The following ZEB2 variants were observed in gnomAD, a reference collection of about 807,000 sequenced individuals.
ZEB2 encodes the protein zinc finger E-box-binding homeobox 2.
Under a neutral mutation model 99.9 loss-of-function variants are expected in ZEB2, and 6 were observed. The observed-to-expected ratio is 0.06, with a 90% CI of 0.03 to 0.12. The LOEUF is 0.12. Among genes scored for constraint, ZEB2 ranks in the 10% least tolerant of loss-of-function variants. ZEB2 has a pLI of 1.00. For missense variants in ZEB2, 969 were observed against 1,502.8 expected, an observed-to-expected ratio of 0.64 and a Z score of 5.87; for synonymous variants, 517 against 542.5, an observed-to-expected ratio of 0.95 and a Z score of 0.65.
At chr2:144,427,703 T>A (rs1245259719) in intron 3 of ZEB2, 1 of 152,078 alleles carries the variant, frequency 6.6e-6, no homozygotes, top group Non-Finnish European at 1.5e-5. Context: ...GAACAATAAA[T>A]CATTAGTAAT....
At chr2:144,451,363 G>T (rs1411382907) in intron 2 of ZEB2, among the ~76,000 whole-genome samples, 1 of 152,092 alleles carries the variant, frequency 6.6e-6, no homozygotes, top group Non-Finnish European at 1.5e-5. Flanking sequence ...TGTTTTTTCG[G>T]TATAAATGAA....
chr2:144,510,200 C>A (rs1705010711), intron 2 of ZEB2, among the ~76,000 whole-genome samples: 1 of 151,516 alleles, frequency 6.6e-6, no homozygotes. Context: ...TTTCCCCTTT[C>A]ATTTGAAAAT....
chr2:144,412,810 A>G (rs143061190), intron 4 of ZEB2, among the ~76,000 whole-genome samples: 7 of 152,338 alleles, frequency 4.6e-5, no homozygotes, highest in Non-Finnish European at 5.9e-5. Flanking sequence ...GTGTGTCTCA[A>G]TCATTGAATT....
Position 144,400,104 on chromosome 2 carries a change from A to C in ZEB2, c.1083T>G (p.Pro361=). 6.2e-7 allele frequency: 1 copy of C among 1,613,948 alleles called. No individual in the cohort carries two copies. Residue 361 remains proline (P), a synonymous_variant, in exon 8 of 10, where the codon CCT becomes CCG. Transcript: ENST00000627532. ...GSSPNSVSSS[P]TNSAITQLRN... is the part of the protein sequence containing the mutation. ...TTAACTGGGTAATGGCTGAATTAGT[A>C]GGAGAAGAAGAAACAGAATTAGGGG... is the stretch of plus-strand genomic sequence containing the variant.
intron 4 of ZEB2, among the ~76,000 whole-genome samples, chr2:144,407,383 C>T (rs1037418502): frequency 1.3e-5 from 2 of 152,234 alleles, no homozygotes; most frequent in Non-Finnish European, 2.9e-5. Flanking sequence ...GATAAGATCA[C>T]TTTCCCCTTG....
chr2:144,428,196 C>T (rs1348747568), intron 3 of ZEB2: 1 of 152,030 alleles, frequency 6.6e-6, no homozygotes, highest in Non-Finnish European at 1.5e-5. Flanking sequence ...TTCTTATAGC[C>T]CTGCATATCT....
chr2:144,510,176 T>G (rs1705010455), intron 2 of ZEB2, among the ~76,000 whole-genome samples: 1 of 152,190 alleles, frequency 6.6e-6, no homozygotes, highest in Non-Finnish European at 1.5e-5. Flanking sequence ...ATTTGAGAGT[T>G]TCTTCTTGGC....
At chr2:144,513,977 TC>T in intron 2 of ZEB2, 1 of 1,182,420 alleles carries the variant, frequency 8.5e-7, no homozygotes, top group East Asian at 2.7e-5. Flanking sequence ...TTTGCCTCCT[TC>T]CCCCTCACCC....
Position 144,385,106 on chromosome 2 carries a change from T to C in ZEB2, c.*4345A>G, listed in dbSNP as rs972819683. On this transcript the variant is annotated 3_prime_UTR_variant, in exon 10 of 10. Transcript: ENST00000627532. ...ATGTAGGAATGTTTTGTTGCATGTATAAAATTTTTCAGAATTTATAGGAGT... is the reference window on the plus strand; with the variant it reads ...ATGTAGGAATGTTTTGTTGCATGTACAAAATTTTTCAGAATTTATAGGAGT... The C allele has an allele frequency of 3.3e-5, 5 of 152,306 alleles. No individual in the cohort carries two copies. Among genetic ancestry groups the C allele is most frequent in the East Asian group, 1.9e-4 (1 of 5,188 alleles). The allele number at this position is 152,306 out of a possible 1,614,324, so 9.4% of individuals were successfully genotyped here.
intron 9 of ZEB2, among the ~76,000 whole-genome samples, chr2:144,390,279 C>CA (rs1703139425): frequency 6.6e-6 from 1 of 152,170 alleles, no homozygotes; most frequent in Non-Finnish European, 1.5e-5. Context: ...GGAAAATTCT[C>CA]AGACAGGAAG....
chr2:144,513,753 C>T (rs1219540039), intron 2 of ZEB2: 1 of 1,536,084 alleles, frequency 6.5e-7, no homozygotes, highest in Non-Finnish European at 8.7e-7. Flanking sequence ...TGGCAAGCAG[C>T]AGCAGGGCAT....
At chr2:144,403,032 A>G (rs1273338893) in intron 6 of ZEB2, among the ~76,000 whole-genome samples, 4 of 152,236 alleles carry the variant, frequency 2.6e-5, no homozygotes, top group Non-Finnish European at 4.4e-5. Flanking sequence ...TGGTGTCAAG[A>G]CTTAAATTAA....
intron 2 of ZEB2, among the ~76,000 whole-genome samples, chr2:144,486,982 C>T (rs959422589): frequency 1.4e-4 from 21 of 152,098 alleles, no homozygotes; most frequent in Admixed American, 2.6e-4. Flanking sequence ...TGTTAGGAAG[C>T]TCAAACACTG....
chr2:144,513,990 A>C, intron 2 of ZEB2: 3 of 1,022,928 alleles, frequency 2.9e-6, no homozygotes, highest in South Asian at 1.7e-5. Context: ...CCCTCACCCC[A>C]CTCCCTCTTT....
chr2:144,431,525 A>G (rs941804321), intron 2 of ZEB2, among the ~76,000 whole-genome samples: 1 of 152,046 alleles, frequency 6.6e-6, no homozygotes, highest in Non-Finnish European at 1.5e-5. Context: ...GGTGCAAATT[A>G]AAATGAAAAC....
chr2:144,467,327 A>G (rs1053935166), intron 2 of ZEB2, among the ~76,000 whole-genome samples: 3 of 152,154 alleles, frequency 2.0e-5, no homozygotes, highest in African/African-American at 7.2e-5. Context: ...AATCATGTGG[A>G]ATGTTAAAAT....
At chr2:144,429,249 A>G (rs1703734456) in intron 3 of ZEB2, 1 of 161,438 alleles carries the variant, frequency 6.2e-6, no homozygotes, top group Non-Finnish European at 1.4e-5. Flanking sequence ...GACCAGGTAA[A>G]AGTGTGAAAT....
At chr2:144,512,912 T>C in intron 2 of ZEB2, 26 of 1,287,238 alleles carry the variant, frequency 2.0e-5, no homozygotes, top group Non-Finnish European at 2.4e-5. Flanking sequence ...CCCCAGTGCT[T>C]TGAAAGTCAG....
chr2:144,431,704 G>A (rs1326352901), intron 2 of ZEB2, among the ~76,000 whole-genome samples: 4 of 151,146 alleles, frequency 2.6e-5, no homozygotes, highest in Non-Finnish European at 5.9e-5. Flanking sequence ...TGCTCTAGCT[G>A]TGTGGTCCAG....
Sources: allele counts gnomAD v4.1 joint callset (sites outside exome capture counted in the v4.1 genomes callset), GRCh38; gene constraint gnomAD v4.1.1; transcripts MANE v1.5; gene names NCBI Gene and HGNC (gene_info 2026-07-23, HGNC 2026-07-21).